Variants in MCU observed in about 807,000 individuals in gnomAD.
The protein encoded by MCU is calcium uniporter protein, mitochondrial.
Under a neutral mutation model 45.2 loss-of-function variants are expected in MCU, and 12 were observed. The ratio of observed to expected loss-of-function variants is 0.27; its 90% CI spans 0.17 to 0.43. The LOEUF is 0.43. MCU is among the 20% of genes least tolerant of loss of function. The pLI, the probability that MCU is intolerant of heterozygous loss-of-function variation, is 1.00. For synonymous variants in MCU, 160 were observed against 165.1 expected, an observed-to-expected ratio of 0.97 and a Z score of 0.24; for missense variants, 324 against 436.7, an observed-to-expected ratio of 0.74 and a Z score of 2.30.
At chr10:72,876,696 G>GT (rs1845620195) in intron 6 of MCU, among the ~76,000 whole-genome samples, 2 of 152,166 alleles carry the variant, frequency 1.3e-5, no homozygotes, top group African/African-American at 4.8e-5. Context: ...AAATGCAACT[G>GT]TATCTGTACT....
chr10:72,733,479 A>C (rs546479167), intron 1 of MCU, among the ~76,000 whole-genome samples: 1 of 152,084 alleles, frequency 6.6e-6, no homozygotes, highest in Admixed American at 6.5e-5. Flanking sequence ...AACAAAAACT[A>C]TCTTGTACTG....
intron 1 of MCU, among the ~76,000 whole-genome samples, chr10:72,722,628 G>A (rs560671783): frequency 1.3e-4 from 20 of 151,636 alleles, no homozygotes; most frequent in Non-Finnish European, 2.2e-4. Context: ...TTTTTCAGGG[G>A]TAACTTTGAC....
At chr10:72,715,013 T>A (rs768520197) in intron 1 of MCU, 7 of 186,668 alleles carry the variant, frequency 3.7e-5, no homozygotes, top group Non-Finnish European at 6.0e-5. Context: ...TTTCAGACTT[T>A]CTTTCTTCTT....
chr10:72,734,635 A>G (rs1202495313), intron 1 of MCU, among the ~76,000 whole-genome samples: 3 of 152,088 alleles, frequency 2.0e-5, no homozygotes, highest in African/African-American at 7.2e-5. Context: ...TGTTTTTTTG[A>G]GACAGGGTCA....
At chr10:72,837,134 A>G (rs1366558294) in intron 2 of MCU, among the ~76,000 whole-genome samples, 1 of 152,210 alleles carries the variant, frequency 6.6e-6, no homozygotes, top group Non-Finnish European at 1.5e-5. Flanking sequence ...AGCTGATAAT[A>G]AAATATGTAG....
chr10:72,808,344 C>T (rs1212911064), intron 1 of MCU, among the ~76,000 whole-genome samples: 1 of 152,196 alleles, frequency 6.6e-6, no homozygotes, highest in Non-Finnish European at 1.5e-5. Context: ...GCATCTGAAA[C>T]ACTAGCTTCA....
chr10:72,813,450 C>CTT (rs71021537), intron 1 of MCU, among the ~76,000 whole-genome samples: 5,024 of 76,242 alleles, frequency 0.066, 1,156 homozygotes, highest in Middle Eastern at 0.1. Context: ...CCAGCTCTCT[C>CTT]TTTTTTTTTT....
At chr10:72,773,195 C>T (rs1184336524) in intron 1 of MCU, among the ~76,000 whole-genome samples, 1 of 152,076 alleles carries the variant, frequency 6.6e-6, no homozygotes. Flanking sequence ...CCATACCTGG[C>T]ACAAAATAGC....
intron 1 of MCU, among the ~76,000 whole-genome samples, chr10:72,749,963 A>G (rs539002214): frequency 1.5e-3 from 214 of 146,618 alleles, no homozygotes; most frequent in Non-Finnish European, 2.7e-3. Context: ...TTTTTTCAGT[A>G]GAGGCAGGGT....
chr10:72,861,437 G>T (rs1161802812), intron 4 of MCU, among the ~76,000 whole-genome samples: 4 of 145,874 alleles, frequency 2.7e-5, no homozygotes, highest in Admixed American at 6.9e-5. Flanking sequence ...TTTTGTTTGG[G>T]TTTTTTTTTT....
Position 72,812,005 on chromosome 10 carries a change from C to T in MCU, c.151-22354C>T, listed in dbSNP as rs550570141. Among the ~76,000 whole-genome samples, 4 of 151,870 alleles carry T rather than the reference C, an allele frequency of 2.6e-5. No individual in the cohort carries two copies. In the East Asian group the frequency reaches 7.7e-4, roughly 29 times the overall value. ...TTCCTTGTCATTTATGTACTAGATACACTTGAAAACAGTTTCCTATATTGA... is the reference window on the plus strand; with the variant it reads ...TTCCTTGTCATTTATGTACTAGATATACTTGAAAACAGTTTCCTATATTGA... On this transcript the variant is annotated intron_variant, in intron 1 of 7. Coordinates refer to ENST00000373053, the MANE Select transcript of MCU (RefSeq NM_138357.3).
At chr10:72,762,450 A>G (rs988941041) in intron 1 of MCU, among the ~76,000 whole-genome samples, 2 of 152,004 alleles carry the variant, frequency 1.3e-5, no homozygotes, top group Admixed American at 6.6e-5. Context: ...TTTAAACTAC[A>G]TACATGCAAG....
intron 1 of MCU, among the ~76,000 whole-genome samples, chr10:72,694,399 C>T (rs566084728): frequency 2.0e-4 from 31 of 152,302 alleles, no homozygotes; most frequent in African/African-American, 7.5e-4. Flanking sequence ...CTGAGATATT[C>T]TCACCTCTTA....
chr10:72,717,346 A>G (rs551783408), intron 1 of MCU, among the ~76,000 whole-genome samples: 1 of 150,468 alleles, frequency 6.6e-6, no homozygotes, highest in Non-Finnish European at 1.5e-5. Context: ...TGCAACCTCT[A>G]CCTCCCGAGT....
chr10:72,870,454 G>GT (rs1554829158), intron 5 of MCU, among the ~76,000 whole-genome samples: 40 of 150,602 alleles, frequency 2.7e-4, no homozygotes, highest in Non-Finnish European at 4.0e-4. Flanking sequence ...AATTTTTTGT[G>GT]TTTTTTTTTA....
At chr10:72,791,174 C>T (rs1425895477) in intron 1 of MCU, among the ~76,000 whole-genome samples, 2 of 152,014 alleles carry the variant, frequency 1.3e-5, no homozygotes, top group East Asian at 3.8e-4. Context: ...TGCCTTGTTC[C>T]CAACAATTTC....
chr10:72,879,315 C>T (rs1318848511), intron 6 of MCU, among the ~76,000 whole-genome samples: 1 of 152,028 alleles, frequency 6.6e-6, no homozygotes, highest in East Asian at 1.9e-4. Flanking sequence ...GGTAGTAAAA[C>T]TTCAAAAGCC....
In MCU at chr10:72,697,309, G is replaced by A. The variant is rs192751387; in HGVS notation, c.150+5008G>A. On this transcript the variant is annotated intron_variant, in intron 1 of 7. Coordinates refer to ENST00000373053, the MANE Select transcript of MCU (RefSeq NM_138357.3). ...TTTTTGTATTTTTTGTAGAGACTGG[G>A]TTTCGCCATGTTGGCCAAGCTGGTC... Among the ~76,000 whole-genome samples, 61 of 151,752 alleles carry A rather than the reference G, an allele frequency of 4.0e-4. No individual in the cohort carries two copies. In the East Asian group the frequency reaches 0.011, roughly 27 times the overall value.
At chr10:72,794,898 G>T (rs981098866) in intron 1 of MCU, among the ~76,000 whole-genome samples, 2 of 152,014 alleles carry the variant, frequency 1.3e-5, no homozygotes, top group African/African-American at 4.8e-5. Context: ...ATATTTTAAA[G>T]GTTCATTCTG....
Sources: gnomAD v4.1 joint callset for allele counts (sites outside exome capture counted in the v4.1 genomes callset) on GRCh38, gnomAD v4.1.1 for gene constraint, MANE v1.5 for transcripts, NCBI Gene and HGNC (gene_info 2026-07-23, HGNC 2026-07-21) for gene names.